KDM2A: variants seen among roughly 807,000 people sequenced by gnomAD.
KDM2A encodes the protein lysine demethylase 2A.
A neutral mutation model predicts 137.3 loss-of-function variants in KDM2A; 3 were observed. The observed-to-expected ratio is 0.02, with a 90% CI of 0.01 to 0.06. The LOEUF (loss-of-function observed/expected upper bound fraction) is 0.06. KDM2A is among the 10% of genes least tolerant of loss of function. KDM2A has a pLI of 1.00. For synonymous variants in KDM2A, 512 were observed against 541.5 expected (o/e 0.95, Z 0.76); for missense variants, 738 against 1,510.6 (o/e 0.49, Z 8.48).
chr11:67,140,451 T>C (rs1167468572), intron 2 of KDM2A, among the ~76,000 whole-genome samples: 1 of 151,956 alleles, frequency 6.6e-6, no homozygotes, highest in Non-Finnish European at 1.5e-5. Context: ...CAAGAAAACC[T>C]TAAAAGAAGT....
chr11:67,147,868 G>A (rs988092440), intron 2 of KDM2A, among the ~76,000 whole-genome samples: 2 of 151,766 alleles, frequency 1.3e-5, no homozygotes, highest in South Asian at 2.1e-4. Flanking sequence ...TAGTAGAGAC[G>A]AGGTTTTACC....
intron 2 of KDM2A, among the ~76,000 whole-genome samples, chr11:67,176,168 A>G (rs915807598): frequency 6.6e-5 from 10 of 152,102 alleles, no homozygotes; most frequent in African/African-American, 2.4e-4. Context: ...AAGATACTAG[A>G]TTTCCCTTTT....
chr11:67,176,602 G>A (rs1856977094), intron 2 of KDM2A, among the ~76,000 whole-genome samples: 1 of 152,170 alleles, frequency 6.6e-6, no homozygotes, highest in African/African-American at 2.4e-5. Flanking sequence ...TAACAATCTA[G>A]AGTGTACTTA....
chr11:67,193,290 G>A (rs1011001260), intron 5 of KDM2A, among the ~76,000 whole-genome samples: 2 of 152,104 alleles, frequency 1.3e-5, no homozygotes, highest in African/African-American at 2.4e-5. Flanking sequence ...GCACCTGGCC[G>A]AGACTTAAAC....
At chr11:67,233,078 A>G (rs1858765572) in intron 12 of KDM2A, among the ~76,000 whole-genome samples, 1 of 152,210 alleles carries the variant, frequency 6.6e-6, no homozygotes, top group Non-Finnish European at 1.5e-5. Context: ...TGTGAAGACC[A>G]AGAATTGTAA....
intron 17 of KDM2A, 184 bp from the exon 18 acceptor site, chr11:67,252,510 T>C (rs775672571): frequency 1.6e-6 from 1 of 639,346 alleles, no homozygotes; most frequent in South Asian, 1.8e-5. Context: ...GTCTAGTTGT[T>C]GTAGAGTTCA....
intron 12 of KDM2A, among the ~76,000 whole-genome samples, chr11:67,242,755 C>G (rs1230763323): frequency 1.3e-5 from 2 of 152,198 alleles, no homozygotes; most frequent in Non-Finnish European, 1.5e-5. Flanking sequence ...CCTCCCACCT[C>G]TCACAGGCAT....
Position 67,245,615 on chromosome 11 carries a change from G to T in KDM2A, c.1833+157G>T. On this transcript the variant is annotated intron_variant, in intron 14 of 20. Coordinates refer to ENST00000529006, the MANE Select transcript of KDM2A (RefSeq NM_012308.3). The surrounding 1 kb of genome is among the most constrained non-coding windows in gnomAD (Gnocchi z 4.1). Reference sequence around the variant, plus strand: ...TTTGTACCTTTTTTCCCCAGGTTTAGATAGAAGGTATCTAGTACTAAAAAT... The same window carrying T: ...TTTGTACCTTTTTTCCCCAGGTTTATATAGAAGGTATCTAGTACTAAAAAT... The T allele has an allele frequency of 1.3e-6, 1 of 785,034 alleles. No homozygotes were observed. Among genetic ancestry groups the T allele is most frequent in the South Asian group, 1.9e-5 (1 of 52,386 alleles). The allele number at this position is 785,034 out of a possible 1,614,324, so 48.6% of individuals were successfully genotyped here.
chr11:67,144,406 C>T (rs923882524), intron 2 of KDM2A, among the ~76,000 whole-genome samples: 2 of 151,688 alleles, frequency 1.3e-5, no homozygotes. Context: ...GCATGCACCA[C>T]CATGCCTGGC....
chr11:67,221,043 C>T (rs1291277175), intron 10 of KDM2A, among the ~76,000 whole-genome samples: 1 of 146,606 alleles, frequency 6.8e-6, no homozygotes, highest in Non-Finnish European at 1.5e-5. Context: ...AGGTAAAAAA[C>T]ACTCCTAGTT....
chr11:67,237,263 T>G (rs1184132996), intron 12 of KDM2A, among the ~76,000 whole-genome samples: 1 of 151,870 alleles, frequency 6.6e-6, no homozygotes, highest in Non-Finnish European at 1.5e-5. Flanking sequence ...ATCCCAGGAG[T>G]ATGATGAGAT....
chr11:67,235,849 AC>A (rs1858856929), intron 12 of KDM2A, among the ~76,000 whole-genome samples: 2 of 150,730 alleles, frequency 1.3e-5, no homozygotes, highest in Admixed American at 6.6e-5. Flanking sequence ...TGAACTCCTG[AC>A]CTTGCGATCC....
intron 5 of KDM2A, among the ~76,000 whole-genome samples, chr11:67,184,552 G>A (rs537865265): frequency 1.6e-4 from 24 of 152,040 alleles, no homozygotes; most frequent in Non-Finnish European, 2.5e-4. Context: ...TGCTTGAACC[G>A]GGAGGCAGAG....
intron 6 of KDM2A, 21 bp downstream of exon 6, chr11:67,207,709 C>G: frequency 6.4e-7 from 1 of 1,558,330 alleles, no homozygotes; most frequent in Non-Finnish European, 8.7e-7. Context: ...TCATTTTCTT[C>G]ATATTGTCAT....
chr11:67,232,405 A>G (rs1321659602), intron 12 of KDM2A, among the ~76,000 whole-genome samples: 1 of 152,250 alleles, frequency 6.6e-6, no homozygotes, highest in Non-Finnish European at 1.5e-5. Flanking sequence ...ATTCAAATTT[A>G]TCTAGCATCA....
At chr11:67,168,659 ACACACG>A (rs1856807812) in intron 2 of KDM2A, among the ~76,000 whole-genome samples, 1 of 145,602 alleles carries the variant, frequency 6.9e-6, no homozygotes, top group Non-Finnish European at 1.5e-5. Flanking sequence ...ACACACACAC[ACACACG>A]GTCGGGGGGA....
chr11:67,202,775 C>CAA (rs891639478), intron 5 of KDM2A, among the ~76,000 whole-genome samples: 5 of 128,702 alleles, frequency 3.9e-5, no homozygotes, highest in East Asian at 2.2e-4. Flanking sequence ...GACTTCGTCT[C>CAA]AAAAAAAAAA....
intron 2 of KDM2A, among the ~76,000 whole-genome samples, chr11:67,125,368 G>A (rs567165884): frequency 1.8e-3 from 270 of 151,688 alleles, no homozygotes; most frequent in African/African-American, 2.7e-3. Flanking sequence ...TTTTGTAGAG[G>A]TGGGGTTTTG....
chr11:67,152,170 A>C (rs1238694588), intron 2 of KDM2A, among the ~76,000 whole-genome samples: 1 of 151,976 alleles, frequency 6.6e-6, no homozygotes, highest in Non-Finnish European at 1.5e-5. Flanking sequence ...CCAAAAAGCC[A>C]GGCGTGGTGG....
Sources: allele counts gnomAD v4.1 joint callset (sites outside exome capture counted in the v4.1 genomes callset), GRCh38; gene constraint gnomAD v4.1.1; non-coding constraint Gnocchi (gnomAD v3.1); transcripts MANE v1.5; gene names NCBI Gene and HGNC (gene_info 2026-07-23, HGNC 2026-07-21).